PCDH8: variants seen among roughly 807,000 people sequenced by gnomAD.
PCDH8 encodes the protein protocadherin-8.
PCDH8 carries 36 observed loss-of-function variants against 58.2 expected under a neutral mutation model. The observed-to-expected ratio is 0.62, with a 90% CI of 0.47 to 0.82. PCDH8 has a LOEUF of 0.82. Among genes scored for constraint, PCDH8 ranks in the 40% least tolerant of loss-of-function variants. The probability of loss-of-function intolerance (pLI) is 0.00; values close to 1 mark genes in which losing one functional copy is unlikely to be tolerated. For synonymous variants in PCDH8, 775 were observed against 728.9 expected (o/e 1.06, Z -1.02); for missense variants, 1,493 against 1,567.8 (o/e 0.95, Z 0.81).
At position 52,847,343 on chromosome 13, in the gene PCDH8, G is replaced by T. The variant is rs759546583; in HGVS notation, c.1094C>A (p.Pro365Gln). The change falls in exon 1 of 3, where the codon CCG (proline) becomes CAG (glutamine). Residue 365 changes from proline (P) to glutamine (Q), a missense_variant. Transcript: ENST00000377942. ...GGCAGCGGCGAAGGGTGAGGTTGCC[G>T]GCGCGCCTGGGGCGGCCAGCGGGGT... ...AITPLAAPGA[P>Q]ATSPFAAAAA... 4 of 1,459,820 alleles carry T rather than the reference G, an allele frequency of 2.7e-6. No individual in the cohort carries two copies. The highest frequency in any genetic ancestry group is 3.6e-6 in the Non-Finnish European group (4 of 1,112,534). 90.4% of individuals were successfully genotyped at this position (1,459,820 alleles called of 1,614,324 possible).
At chr13:52,845,127 G>C (rs1243486069) in intron 2 of PCDH8, among the ~76,000 whole-genome samples, 194 bp from the exon 3 acceptor site, 1 of 152,084 alleles carries the variant, frequency 6.6e-6, no homozygotes, top group Non-Finnish European at 1.5e-5. Context: ...AGCTGGTCCA[G>C]CTTCTTCAGC....
In PCDH8 at chr13:52,847,259, G is replaced by A; in HGVS notation, c.1178C>T (p.Pro393Leu). Residue 393 changes from proline (P) to leucine (L), a missense_variant, in exon 1 of 3, where the codon CCG (proline) becomes CTG (leucine). By Grantham distance (98) the Pro-to-Leu change is moderately conservative. Coordinates refer to ENST00000377942, the MANE Select transcript of PCDH8 (RefSeq NM_002590.4). Reference protein sequence around the residue: ...DASSPAGAGTPEAGATSLVPE... With the variant: ...DASSPAGAGTLEAGATSLVPE... ...CACCAGCGAAGTGGCACCAGCCTCCGGCGTCCCGGCTCCCGCCGGCGAGCT... is the reference window on the plus strand; with the variant it reads ...CACCAGCGAAGTGGCACCAGCCTCCAGCGTCCCGGCTCCCGCCGGCGAGCT... The A allele has an allele frequency of 7.3e-7, 1 of 1,377,118 alleles. No homozygotes were observed. The highest frequency in any genetic ancestry group is 9.3e-7 in the Non-Finnish European group (1 of 1,071,764). 85.3% of individuals were successfully genotyped at this position (1,377,118 alleles called of 1,614,324 possible).
Position 52,845,932 on chromosome 13 carries a change from G to T in PCDH8, c.2505C>A (p.Pro835=). The T allele has an allele frequency of 6.7e-7, 1 of 1,485,276 alleles. No homozygotes were observed. Among genetic ancestry groups the T allele is most frequent in the East Asian group, 2.7e-5 (1 of 36,970 alleles). 92.0% of individuals were successfully genotyped at this position (1,485,276 alleles called of 1,614,324 possible). A position where few individuals can be genotyped will look rare whatever the true frequency, so the allele number is the denominator to read the frequency against. Residue 835 remains proline, a synonymous_variant, in exon 1 of 3, where the codon CCC becomes CCA. Coordinates refer to ENST00000377942, the MANE Select transcript of PCDH8 (RefSeq NM_002590.4). ...CCGCAGGCGGAGGCGCGTCCGCCGC[G>T]GGGCTGCCAAAGGGCGCTTTGCCGG... ...PGTGKAPFGS[P]AADAPPPAVA...
Position 52,847,766 on chromosome 13 carries a change from G to A in PCDH8, c.671C>T (p.Pro224Leu). The change falls in exon 1 of 3, where the codon CCG (proline) becomes CTG (leucine). Residue 224 changes from proline (P) to leucine (L), a missense_variant. Coordinates refer to ENST00000377942, the MANE Select transcript of PCDH8 (RefSeq NM_002590.4). ...ELVAQDGGRP[P>L]RSATAALSVR... ...GCTGAGGGCAGCCGTGGCGGAGCGCGGCGGGCGGCCGCCGTCCTGGGCCAC... is the reference window on the plus strand; with the variant it reads ...GCTGAGGGCAGCCGTGGCGGAGCGCAGCGGGCGGCCGCCGTCCTGGGCCAC... 2 of 1,460,786 alleles carry A rather than the reference G, an allele frequency of 1.4e-6. No individual in the cohort carries two copies. The highest frequency in any genetic ancestry group is 1.5e-5 in the African/African-American group (1 of 68,232). The allele number at this position is 1,460,786 out of a possible 1,614,324, so 90.5% of individuals were successfully genotyped here.
At position 52,844,423 on chromosome 13, in the gene PCDH8, A is replaced by G. The variant is rs1232725651; in HGVS notation, c.*137T>C. On this transcript the variant is annotated 3_prime_UTR_variant, in exon 3 of 3. Coordinates refer to ENST00000377942, the MANE Select transcript of PCDH8 (RefSeq NM_002590.4). ...TGTTTGCAAATACCAAACAGTACCAATGTGATTGGAAATAGCTTCCAACAA... is the reference window on the plus strand; with the variant it reads ...TGTTTGCAAATACCAAACAGTACCAGTGTGATTGGAAATAGCTTCCAACAA... 9.0e-6 allele frequency: 6 copies of G among 667,174 alleles called. No homozygotes were observed. Among genetic ancestry groups the G allele is most frequent in the East Asian group, 2.8e-5 (1 of 35,862 alleles). The allele number at this position is 667,174 out of a possible 1,614,324, so 41.3% of individuals were successfully genotyped here.
At position 52,848,418 on chromosome 13, in the gene PCDH8, A is replaced by G. The variant is rs3742301; in HGVS notation, c.19T>C (p.Trp7Arg). 332,268 of 1,604,776 alleles carry G rather than the reference A, an allele frequency of 0.21. 37,728 individuals are homozygous for G. The highest frequency in any genetic ancestry group is 0.52 in the East Asian group (23,132 of 44,732). Reference protein sequence around the residue: MSPVRRWGSPCLFPLQL... With the variant: MSPVRRRGSPCLFPLQL... ...AAGGGGAAAAGGCAGGGGCTGCCCC[A>G]ACGCCTCACAGGACTCATGCCTCCA... The change falls in exon 1 of 3, where the codon TGG (tryptophan) becomes CGG (arginine). Residue 7 changes from tryptophan (W) to arginine (R), a missense_variant. Trp to Arg is a moderately radical substitution (Grantham distance 101). Around this residue, in one of 3 missense-constraint regions of PCDH8, gnomAD observed 1,307 missense variants for 1,362.7 expected, o/e 0.96. Transcript: ENST00000377942.
In PCDH8 at chr13:52,847,332, G is replaced by T. The variant is rs544784507; in HGVS notation, c.1105C>A (p.Pro369Thr). 1 of 1,450,204 alleles carries T rather than the reference G, an allele frequency of 6.9e-7. No homozygotes were observed. The highest frequency in any genetic ancestry group is 2.7e-5 in the Admixed American group (1 of 37,246). The allele number at this position is 1,450,204 out of a possible 1,614,324, so 89.8% of individuals were successfully genotyped here. ...LAAPGAPATS[P>T]FAAAAAAAAL... ...GCGGCGGCGGCGGCAGCGGCGAAGG[G>T]TGAGGTTGCCGGCGCGCCTGGGGCG... The change falls in exon 1 of 3, where the codon CCC becomes ACC. Residue 369 changes from proline (P) to threonine (T), a missense_variant. By Grantham distance (38) the Pro-to-Thr change is conservative. Coordinates refer to ENST00000377942, the MANE Select transcript of PCDH8 (RefSeq NM_002590.4).
chr13:52,845,838 C>T lies in PCDH8; in HGVS notation c.2599G>A (p.Gly867Arg). The part of the protein sequence containing the change: ...ATGESACHFE[G>R]QQRLRGAHAE... ...TGCGCGCCGCGGAGCCGCTGCTGCC[C>T]CTCGAAGTGACAGGCGCTTTCCCCA... Residue 867 changes from glycine to arginine, a missense_variant, in exon 1 of 3, where the codon GGG (glycine) becomes AGG (arginine). Physicochemically the swap from Gly to Arg is moderately radical, Grantham distance 125 (BLOSUM62 -2). Coordinates refer to ENST00000377942, the MANE Select transcript of PCDH8 (RefSeq NM_002590.4). 2 of 1,517,296 alleles carry T rather than the reference C, an allele frequency of 1.3e-6. No individual in the cohort carries two copies. Among genetic ancestry groups the T allele is most frequent in the Non-Finnish European group, 1.8e-6 (2 of 1,140,420 alleles). The allele number at this position is 1,517,296 out of a possible 1,614,324, so 94.0% of individuals were successfully genotyped here.
Position 52,846,144 on chromosome 13 carries a change from C to T in PCDH8, c.2293G>A (p.Ala765Thr). Residue 765 changes from alanine (A) to threonine (T), a missense_variant, in exon 1 of 3, where the codon GCC becomes ACC. Ala to Thr is a moderately conservative substitution (Grantham distance 58). Around this residue, in one of 3 missense-constraint regions of PCDH8, gnomAD observed 1,307 missense variants for 1,362.7 expected, o/e 0.96. Transcript: ENST00000377942. ...VLAGSCTLLL[A>T]AIIAIATTCN... ...GTGGTGGCGATGGCGATGATGGCGG[C>T]CAGCAGCAGCGTGCAGCTCCCGGCC... is the stretch of plus-strand genomic sequence containing the variant. 1.3e-6 allele frequency: 2 copies of T among 1,581,424 alleles called. No individual in the cohort carries two copies. Among genetic ancestry groups the T allele is most frequent in the Admixed American group, 1.7e-5 (1 of 58,146 alleles).
Position 52,847,511 on chromosome 13 carries a change from G to T in PCDH8, c.926C>A (p.Ala309Asp). 1.3e-6 allele frequency: 2 copies of T among 1,585,930 alleles called. No homozygotes were observed. Among genetic ancestry groups the T allele is most frequent in the Non-Finnish European group, 8.5e-7 (1 of 1,172,674 alleles). The change falls in exon 1 of 3, where the codon GCC (alanine) becomes GAC (aspartate). Residue 309 changes from alanine (A) to aspartate (D), a missense_variant. Around this residue, in one of 3 missense-constraint regions of PCDH8, gnomAD observed 1,307 missense variants for 1,362.7 expected, o/e 0.96. Transcript: ENST00000377942. ...CTGACGCTCGTAGTCCACGGGCCCGGCCAGGGTGAGGCGGCCTGATCGCGG... is the reference window on the plus strand; with the variant it reads ...CTGACGCTCGTAGTCCACGGGCCCGTCCAGGGTGAGGCGGCCTGATCGCGG... Reference protein sequence around the residue: ...LDPRSGRLTLAGPVDYERQDT... With the variant: ...LDPRSGRLTLDGPVDYERQDT...
Position 52,847,975 on chromosome 13 carries a change from G to C in PCDH8, c.462C>G (p.Ile154Met). 6.2e-7 allele frequency: 1 copy of C among 1,610,674 alleles called. No individual in the cohort carries two copies. Among genetic ancestry groups the C allele is most frequent in the Non-Finnish European group, 8.5e-7 (1 of 1,178,350 alleles). ...CCTCGTCCACCGGCACCTCCAAGGG[G>C]ATGCGCGTGCCCACTGCCGCACCCT... Reference protein sequence around the residue: ...VSEGAAVGTRIPLEVPVDEDV... With the variant: ...VSEGAAVGTRMPLEVPVDEDV... The change falls in exon 1 of 3, where the codon ATC (isoleucine) becomes ATG (methionine). Residue 154 changes from isoleucine to methionine, a missense_variant. Ile to Met is a conservative substitution (Grantham distance 10). Around this residue, in one of 3 missense-constraint regions of PCDH8, gnomAD observed 1,307 missense variants for 1,362.7 expected, o/e 0.96. Transcript: ENST00000377942.
chr13:52,846,028 G>A lies in PCDH8; in HGVS notation c.2409C>T (p.Gly803=), dbSNP rs769279982. The change falls in exon 1 of 3, where the codon GGC becomes GGT. Residue 803 remains glycine, a synonymous_variant. Transcript: ENST00000377942. The part of the protein sequence containing the change: ...GAAGGGASAP[G]SPEEAARGAG... Reference sequence around the variant, plus strand: ...CTCCCCGGGCGGCCTCCTCCGGGGAGCCGGGAGCCGAGGCTCCGCCGCCCG... The same window carrying A: ...CTCCCCGGGCGGCCTCCTCCGGGGAACCGGGAGCCGAGGCTCCGCCGCCCG... 2.7e-6 allele frequency: 4 copies of A among 1,486,364 alleles called. No individual in the cohort carries two copies. The highest frequency in any genetic ancestry group is 8.8e-7 in the Non-Finnish European group (1 of 1,136,008). The allele number at this position is 1,486,364 out of a possible 1,614,324, so 92.1% of individuals were successfully genotyped here. A position where few individuals can be genotyped will look rare whatever the true frequency, so the allele number is the denominator to read the frequency against.
Position 52,846,403 on chromosome 13 carries a change from CGA to C in PCDH8, c.2032_2033del (p.Ser678AlafsTer241). On this transcript the variant is annotated frameshift_variant, in exon 1 of 3. Transcript: ENST00000377942. LOFTEE classifies it high-confidence loss of function. ...TGAACACGCGACCGGGTGGCTCCTG[CGA>C]GAGGTCGCCGGTGAGCAGTATCTCC... Reference protein sequence around the residue: ...TGEILLTGDLSQEPPGRVFRA... With the variant: ...TGEILLTGDLXQEPPGRVFRA... The C allele has an allele frequency of 6.3e-7, 1 of 1,594,708 alleles. No homozygotes were observed. The highest frequency in any genetic ancestry group is 8.5e-7 in the Non-Finnish European group (1 of 1,174,324).
rs964958368 is a variant in PCDH8, at chr13:52,846,012, C to A, written c.2425G>T (p.Ala809Ser). The change falls in exon 1 of 3, where the codon GCC (alanine) becomes TCC (serine). Residue 809 changes from alanine to serine, a missense_variant. Physicochemically the swap from Ala to Ser is moderately conservative, Grantham distance 99. Transcript: ENST00000377942. ...ASAPGSPEEA[A>S]RGAGPRPNMF... ...TTGGGCCTGGGCCCGGCTCCCCGGG[C>A]GGCCTCCTCCGGGGAGCCGGGAGCC... is the stretch of plus-strand genomic sequence containing the variant. 1.4e-6 allele frequency: 2 copies of A among 1,473,978 alleles called. No homozygotes were observed. The highest frequency in any genetic ancestry group is 1.5e-5 in the African/African-American group (1 of 67,552). The allele number at this position is 1,473,978 out of a possible 1,614,324, so 91.3% of individuals were successfully genotyped here.
chr13:52,846,973 G>T lies in PCDH8; in HGVS notation c.1464C>A (p.Gly488=). 1 of 1,594,412 alleles carries T rather than the reference G, an allele frequency of 6.3e-7. No homozygotes were observed. ...AGAGCGGCGCGTTGTCGTTCTCGTC[G>T]CCCACACGCACCGTGTAGGGCCGCA... is the stretch of plus-strand genomic sequence containing the variant. The part of the protein sequence containing the change: ...RTVRPYTVRV[G]DENDNAPLFT... The change falls in exon 1 of 3, where the codon GGC becomes GGA. Residue 488 remains glycine (G), a synonymous_variant. Coordinates refer to ENST00000377942, the MANE Select transcript of PCDH8 (RefSeq NM_002590.4).
In PCDH8 at chr13:52,848,505, C is replaced by G. The variant is rs903072546; in HGVS notation, c.-69G>C. 2.2e-4 allele frequency: 323 copies of G among 1,496,652 alleles called. No homozygotes were observed. The highest frequency in any genetic ancestry group is 2.7e-4 in the Non-Finnish European group (305 of 1,129,570). 92.7% of individuals were successfully genotyped at this position (1,496,652 alleles called of 1,614,324 possible). ...TCTGGTTTCCAGGTCGGGCGTCAGTCTCAGGCTCTCGGAATCACGCTCTTT... is the reference window on the plus strand; with the variant it reads ...TCTGGTTTCCAGGTCGGGCGTCAGTGTCAGGCTCTCGGAATCACGCTCTTT... On this transcript the variant is annotated 5_prime_UTR_variant, in exon 1 of 3. Coordinates refer to ENST00000377942, the MANE Select transcript of PCDH8 (RefSeq NM_002590.4).
Position 52,848,624 on chromosome 13 carries a change from C to A in PCDH8, c.-188G>T, listed in dbSNP as rs760990564. 24 of 1,175,094 alleles carry A rather than the reference C, an allele frequency of 2.0e-5. No homozygotes were observed. In the East Asian group the frequency reaches 2.8e-4, roughly 14 times the overall value. The allele number at this position is 1,175,094 out of a possible 1,614,324, so 72.8% of individuals were successfully genotyped here. A position where few individuals can be genotyped will look rare whatever the true frequency, so the allele number is the denominator to read the frequency against. ...GACCCGCCCTCACTCTGCGCCTCTC[C>A]GTCTCTTACAGAAGCTGCGCCGCCT... On this transcript the variant is annotated 5_prime_UTR_variant, in exon 1 of 3. Transcript: ENST00000377942.
In PCDH8 at chr13:52,848,629, CT is replaced by C; in HGVS notation, c.-194del. The C allele has an allele frequency of 8.8e-7, 1 of 1,136,128 alleles. No homozygotes were observed. The highest frequency in any genetic ancestry group is 1.2e-6 in the Non-Finnish European group (1 of 847,682). The allele number at this position is 1,136,128 out of a possible 1,614,324, so 70.4% of individuals were successfully genotyped here. On this transcript the variant is annotated 5_prime_UTR_variant, in exon 1 of 3. Coordinates refer to ENST00000377942, the MANE Select transcript of PCDH8 (RefSeq NM_002590.4). ...GCCCTCACTCTGCGCCTCTCCGTCT[CT>C]TACAGAAGCTGCGCCGCCTCGCGCC...
chr13:52,846,081 C>A lies in PCDH8; in HGVS notation c.2356G>T (p.Ala786Ser), dbSNP rs756049482. Residue 786 changes from alanine (A) to serine (S), a missense_variant, in exon 1 of 3, where the codon GCC becomes TCC. By Grantham distance (99) the Ala-to-Ser change is moderately conservative. This residue lies in a region of PCDH8 where 1,307 missense variants were observed against 1,362.7 expected (regional missense o/e 0.96). Coordinates refer to ENST00000377942, the MANE Select transcript of PCDH8 (RefSeq NM_002590.4). ...RRKKEVRKGG[A>S]LREERPGAAG... The stretch of plus-strand genomic sequence containing the variant: ...GCCCCGGGCCGCTCTTCCCGGAGGG[C>A]CCCCCCTTTGCGCACCTCCTTCTTG... 5.8e-6 allele frequency: 9 copies of A among 1,564,680 alleles called. No homozygotes were observed. In the African/African-American group the frequency reaches 8.5e-5, roughly 15 times the overall value.
Sources: gnomAD v4.1 joint callset for allele counts (sites outside exome capture counted in the v4.1 genomes callset) on GRCh38, gnomAD v4.1.1 for gene constraint, gnomAD v4.1.1 regional missense constraint, MANE v1.5 for transcripts, NCBI Gene and HGNC (gene_info 2026-07-23, HGNC 2026-07-21) for gene names.